PTPN22: variants seen among roughly 807,000 people sequenced by gnomAD.
PTPN22 encodes tyrosine-protein phosphatase non-receptor type 22.
PTPN22 carries 85 observed loss-of-function variants against 103.3 expected under a neutral mutation model. That is an observed-to-expected ratio of 0.82 (90% CI 0.69 to 0.99). PTPN22 has a LOEUF of 0.99. Among genes scored for constraint, PTPN22 ranks in the 50% least tolerant of loss-of-function variants. The pLI, the probability that PTPN22 is intolerant of heterozygous loss-of-function variation, is 0.00. For missense variants in PTPN22, 865 were observed against 936.9 expected (o/e 0.92, Z 1.00); for synonymous variants, 323 against 310.2 (o/e 1.04, Z -0.43).
chr1:113,819,761 C>G, intron 19 of PTPN22, 107 bp from the exon 20 acceptor site: 1 of 595,860 alleles, frequency 1.7e-6, no homozygotes, highest in Non-Finnish European at 2.6e-6. Flanking sequence ...CCCAAATAAA[C>G]ATATCACTGT....
At chr1:113,837,340 C>T (rs543335794) in intron 13 of PTPN22, among the ~76,000 whole-genome samples, 1 of 151,818 alleles carries the variant, frequency 6.6e-6, no homozygotes, top group African/African-American at 2.4e-5. Flanking sequence ...ATCCCAGCTA[C>T]TCAGGAGGCT....
At chr1:113,825,003 G>C (rs1317813359) in intron 19 of PTPN22, 139 bp downstream of exon 19, 1 of 459,678 alleles carries the variant, frequency 2.2e-6, no homozygotes, top group African/African-American at 2.1e-5. Context: ...GCCTATGGGT[G>C]ATTGTTCTGA....
chr1:113,829,544 G>T, intron 18 of PTPN22, 48 bp downstream of exon 18: 1 of 1,073,896 alleles, frequency 9.3e-7, no homozygotes, highest in Non-Finnish European at 1.4e-6. Flanking sequence ...GAAACTTTCA[G>T]TAAGGGAAAG....
chr1:113,829,698 G>A, exon 18 of PTPN22: 4 of 1,557,310 alleles, frequency 2.6e-6, no homozygotes, highest in Non-Finnish European at 3.5e-6. Context: ...TATAGATTGG[G>A]CCTGCATACC....
intron 11 of PTPN22, among the ~76,000 whole-genome samples, chr1:113,844,190 C>G (rs1264589968): frequency 3.3e-5 from 5 of 151,876 alleles, no homozygotes; most frequent in Middle Eastern, 6.9e-3. Context: ...GGCTGGATGC[C>G]TTGGCTCACG....
chr1:113,820,415 C>T (rs572700112), intron 19 of PTPN22, among the ~76,000 whole-genome samples: 63 of 152,184 alleles, frequency 4.1e-4, no homozygotes, highest in African/African-American at 1.3e-3. Context: ...GCCCAGATTG[C>T]GCCACTGCAC....
At chr1:113,823,158 G>A (rs1431707439) in intron 19 of PTPN22, 4 of 152,164 alleles carry the variant, frequency 2.6e-5, no homozygotes, top group Non-Finnish European at 5.9e-5. Flanking sequence ...TTCCACAAAG[G>A]CAGAGCCCAT....
chr1:113,868,513 C>A (rs1406676956), intron 1 of PTPN22, among the ~76,000 whole-genome samples: 5 of 152,164 alleles, frequency 3.3e-5, no homozygotes, highest in Non-Finnish European at 5.9e-5. Flanking sequence ...TCTACTCCCC[C>A]AAAGCTCTCT....
chr1:113,833,994 A>G (rs933403256), intron 15 of PTPN22, among the ~76,000 whole-genome samples: 1 of 152,252 alleles, frequency 6.6e-6, no homozygotes, highest in African/African-American at 2.4e-5. Context: ...TTCCTTGATC[A>G]CTTCCAACCT....
chr1:113,838,125 A>G (rs1663187677), exon 13 of PTPN22: 2 of 1,613,980 alleles, frequency 1.2e-6, no homozygotes, highest in African/African-American at 1.3e-5. Context: ...TAGAATTAGA[A>G]CATCCCTCAA....
At chr1:113,829,689 A>G in exon 18 of PTPN22, 2 of 1,592,250 alleles carry the variant, frequency 1.3e-6, no homozygotes, top group South Asian at 1.1e-5. Flanking sequence ...ATATGTTTCT[A>G]TAGATTGGGC....
At chr1:113,858,659 TGAG>T in intron 3 of PTPN22, 86 bp from the exon 4 acceptor site, 1 of 822,310 alleles carries the variant, frequency 1.2e-6, no homozygotes, top group Non-Finnish European at 1.9e-6. Flanking sequence ...TTTTTTTTTT[TGAG>T]ATGGTCTCAC....
intron 9 of PTPN22, among the ~76,000 whole-genome samples, 156 bp downstream of exon 9, chr1:113,854,315 C>T (rs1449180969): frequency 1.3e-5 from 2 of 152,188 alleles, no homozygotes; most frequent in African/African-American, 2.4e-5. Flanking sequence ...ACCCACCTAC[C>T]TGGGAACTAA....
intron 7 of PTPN22, among the ~76,000 whole-genome samples, chr1:113,855,994 T>C (rs1248923143): frequency 2.6e-5 from 4 of 152,206 alleles, no homozygotes; most frequent in Non-Finnish European, 4.4e-5. Flanking sequence ...ATTGAAGACA[T>C]ATTATAACAA....
Position 113,856,364 on chromosome 1 carries a change from T to G in PTPN22, c.540+18A>C. ...TCTCTATAGGCTTTTGAGTTTATCA[T>G]TCTTATTTTATACTTACACTATTGA... On this transcript the variant is annotated intron_variant, in intron 7 of 20. Coordinates refer to ENST00000359785, the Ensembl canonical transcript of PTPN22. 6.5e-7 allele frequency: 1 copy of G among 1,547,330 alleles called. No individual in the cohort carries two copies. The highest frequency in any genetic ancestry group is 8.7e-7 in the Non-Finnish European group (1 of 1,147,748).
chr1:113,845,242 G>T (rs1366156970), intron 11 of PTPN22, among the ~76,000 whole-genome samples: 1 of 151,126 alleles, frequency 6.6e-6, no homozygotes, highest in Non-Finnish European at 1.5e-5. Context: ...TGTTGGCCAG[G>T]CTGGAGTGCA....
At chr1:113,841,334 CTT>C (rs1232023976) in intron 11 of PTPN22, among the ~76,000 whole-genome samples, 2 of 151,954 alleles carry the variant, frequency 1.3e-5, no homozygotes, top group Non-Finnish European at 2.9e-5. Context: ...ATGTAAAACT[CTT>C]ATAAGAAAAT....
rs771166019 is a variant in PTPN22 at position 113,837,993 on chromosome 1, A to G, written c.1407T>C (p.Phe469=). 8.7e-6 allele frequency: 14 copies of G among 1,613,990 alleles called. No individual in the cohort carries two copies. The Admixed American group carries it at 1.7e-4, about 19-fold the overall frequency. ...CATGTGGTTGAGATTCCAAATAAGA[A>G]AAGTTTTCCTTGCTGTCCACCTCCT... The change falls in exon 13 of 21, where the codon TTT becomes TTC. Residue 469 remains phenylalanine (F), a synonymous_variant. Coordinates refer to ENST00000359785, the Ensembl canonical transcript of PTPN22.
chr1:113,819,675 TATAAG>T (rs777466924), intron 19 of PTPN22, 21 bp from the exon 20 acceptor site: 3 of 1,530,948 alleles, frequency 2.0e-6, no homozygotes, highest in South Asian at 1.2e-5. Context: ...AAGAAAAAAA[TATAAG>T]GGAAAGACTA....
Sources: allele counts gnomAD v4.1 joint callset (sites outside exome capture counted in the v4.1 genomes callset), GRCh38; gene constraint gnomAD v4.1.1; transcripts MANE v1.5; gene names NCBI Gene and HGNC (gene_info 2026-07-23, HGNC 2026-07-21).